MOGAT1: variants seen among roughly 807,000 people sequenced by gnomAD.
MOGAT1 encodes monoacylglycerol O-acyltransferase 1.
A neutral mutation model predicts 31.4 loss-of-function variants in MOGAT1; 32 were observed. That is an observed-to-expected ratio of 1.02 (90% CI 0.77 to 1.37). MOGAT1 has a LOEUF of 1.37. Among genes scored for constraint, MOGAT1 ranks in the 40% most tolerant of loss-of-function variants. The pLI is 0.00. For missense variants in MOGAT1, 426 were observed against 402.0 expected (o/e 1.06, Z -0.51); for synonymous variants, 145 against 144.5 (o/e 1.00, Z -0.03).
At chr2:222,682,555 T>C (rs1275629358) in intron 1 of MOGAT1, among the ~76,000 whole-genome samples, 1 of 152,182 alleles carries the variant, frequency 6.6e-6, no homozygotes, top group Non-Finnish European at 1.5e-5. Flanking sequence ...CCTTTATTGG[T>C]GGTGCTAAAT....
Position 222,689,264 on chromosome 2 carries a change from G to C in MOGAT1, c.274-1G>C. On this transcript the variant is annotated splice_acceptor_variant, in intron 2 of 5. Coordinates refer to ENST00000446656, the MANE Select transcript of MOGAT1 (RefSeq NM_058165.3). LOFTEE classifies it high-confidence loss of function. Reference sequence around the variant, plus strand: ...AAAATCTCAATATGAATGTGCTGTAGCTTATCAAAACTCAAGATTTGGATC... The same window carrying C: ...AAAATCTCAATATGAATGTGCTGTACCTTATCAAAACTCAAGATTTGGATC... 6.2e-7 allele frequency: 1 copy of C among 1,610,758 alleles called. No individual in the cohort carries two copies.
intron 3 of MOGAT1, among the ~76,000 whole-genome samples, chr2:222,691,630 T>C (rs1692764578): frequency 6.6e-6 from 1 of 152,210 alleles, no homozygotes; most frequent in South Asian, 2.1e-4. Flanking sequence ...TTTCTAAGTC[T>C]AAAGAATTAT....
At chr2:222,692,044 G>A (rs909313881) in intron 3 of MOGAT1, among the ~76,000 whole-genome samples, 1 of 152,208 alleles carries the variant, frequency 6.6e-6, no homozygotes, top group African/African-American at 2.4e-5. Flanking sequence ...ATTTTATTTT[G>A]TAGATAAGCC....
chr2:222,698,855 G>C (rs7587974), intron 5 of MOGAT1: 40 of 152,646 alleles, frequency 2.6e-4, no homozygotes, highest in Non-Finnish European at 5.7e-4. Flanking sequence ...GCCATTGCCC[G>C]GGTGGAAGAG....
chr2:222,686,809 T>C (rs1692675920), intron 1 of MOGAT1, among the ~76,000 whole-genome samples: 1 of 152,164 alleles, frequency 6.6e-6, no homozygotes, highest in Non-Finnish European at 1.5e-5. Flanking sequence ...TATTGATTTA[T>C]ATGTATCAAG....
intron 5 of MOGAT1, among the ~76,000 whole-genome samples, chr2:222,707,857 TTAACA>T (rs1301139326): frequency 2.0e-5 from 3 of 152,208 alleles, no homozygotes; most frequent in Admixed American, 1.3e-4. Flanking sequence ...TCTCTGTGAC[TTAACA>T]TTTGTTCATA....
intron 5 of MOGAT1, among the ~76,000 whole-genome samples, chr2:222,701,302 GA>G (rs1343204909): frequency 2.0e-3 from 215 of 106,380 alleles, no homozygotes; most frequent in African/African-American, 7.4e-3. Flanking sequence ...AGGAGGAGGA[GA>G]GAGAGAGAGA....
At chr2:222,673,714 G>C (rs190427701) in intron 1 of MOGAT1, among the ~76,000 whole-genome samples, 48 of 152,252 alleles carry the variant, frequency 3.2e-4, no homozygotes, top group Admixed American at 2.0e-3. Flanking sequence ...CTTCCTAACC[G>C]ATCATTCAAC....
chr2:222,704,854 A>T (rs1370212831), intron 5 of MOGAT1, among the ~76,000 whole-genome samples: 2 of 152,120 alleles, frequency 1.3e-5, no homozygotes, highest in Non-Finnish European at 2.9e-5. Context: ...AAGTAATTGA[A>T]TGTTGGGCCT....
At chr2:222,690,035 T>C (rs1375716453) in intron 3 of MOGAT1, among the ~76,000 whole-genome samples, 7 of 151,984 alleles carry the variant, frequency 4.6e-5, no homozygotes, top group African/African-American at 1.7e-4. Flanking sequence ...CGGGCAGATC[T>C]CTTGAGCCCA....
chr2:222,708,509 A>T (rs569780707), intron 5 of MOGAT1, among the ~76,000 whole-genome samples: 17 of 152,382 alleles, frequency 1.1e-4, no homozygotes, highest in African/African-American at 3.8e-4. Context: ...GTGAGATGTT[A>T]TATAAACACC....
At chr2:222,683,735 A>T (rs1692621224) in intron 1 of MOGAT1, among the ~76,000 whole-genome samples, 1 of 152,164 alleles carries the variant, frequency 6.6e-6, no homozygotes, top group Non-Finnish European at 1.5e-5. Flanking sequence ...TCAAAAAAAA[A>T]AGTGAGTGAG....
chr2:222,678,062 A>G (rs749024252), intron 1 of MOGAT1: 2 of 237,128 alleles, frequency 8.4e-6, no homozygotes, highest in Non-Finnish European at 8.6e-6. Flanking sequence ...CATGGCTCCA[A>G]CCAAACTCTT....
chr2:222,688,550 A>T, intron 2 of MOGAT1, 28 bp downstream of exon 2: 1 of 1,525,072 alleles, frequency 6.6e-7, no homozygotes, highest in Non-Finnish European at 8.9e-7. Context: ...ATAAAGTATT[A>T]TTTTGATTTA....
At chr2:222,690,912 A>C (rs1257350219) in intron 3 of MOGAT1, among the ~76,000 whole-genome samples, 2 of 152,248 alleles carry the variant, frequency 1.3e-5, no homozygotes, top group African/African-American at 2.4e-5. Flanking sequence ...ATTACAGAGA[A>C]AAATGTTTAA....
intron 5 of MOGAT1, 39 bp from the exon 6 acceptor site, chr2:222,709,696 GT>G (rs781313407): frequency 6.3e-7 from 1 of 1,599,034 alleles, no homozygotes. Context: ...TGGTGGAGTG[GT>G]TTTAGTTCCT....
chr2:222,673,766 T>C (rs547285033), intron 1 of MOGAT1, among the ~76,000 whole-genome samples: 1 of 152,348 alleles, frequency 6.6e-6, no homozygotes, highest in South Asian at 2.1e-4. Context: ...ATGGCACTTA[T>C]CATTGCTTGT....
chr2:222,671,954 T>A (rs1003106010), intron 1 of MOGAT1, 75 bp downstream of exon 1: 5 of 1,206,096 alleles, frequency 4.1e-6, no homozygotes, highest in Admixed American at 2.0e-5. Flanking sequence ...TTCCAGGACC[T>A]GCATAGAACC....
At chr2:222,676,700 A>G (rs1367525117) in intron 1 of MOGAT1, among the ~76,000 whole-genome samples, 5 of 152,232 alleles carry the variant, frequency 3.3e-5, no homozygotes, top group Non-Finnish European at 7.3e-5. Flanking sequence ...TTACATTCTC[A>G]CTGGCAGGGC....
Sources: gnomAD v4.1 joint callset for allele counts (sites outside exome capture counted in the v4.1 genomes callset) on GRCh38, gnomAD v4.1.1 for gene constraint, MANE v1.5 for transcripts, NCBI Gene and HGNC (gene_info 2026-07-23, HGNC 2026-07-21) for gene names.